Variants in WWC1 observed in about 807,000 individuals in gnomAD.
WWC1 encodes protein KIBRA.
In WWC1, 55 loss-of-function variants were observed where a neutral mutation model predicts 138.4. That is an observed-to-expected ratio of 0.40 (90% CI 0.32 to 0.50). The LOEUF is 0.50. Among genes scored for constraint, WWC1 ranks in the 20% least tolerant of loss-of-function variants. The pLI is 0.72. For synonymous variants in WWC1, 524 were observed against 564.9 expected (o/e 0.93, Z 1.03); for missense variants, 1,226 against 1,420.4 (o/e 0.86, Z 2.20).
chr5:168,307,486 G>GT (rs143835543), intron 1 of WWC1, among the ~76,000 whole-genome samples: 2 of 152,074 alleles, frequency 1.3e-5, no homozygotes, highest in Non-Finnish European at 2.9e-5. Flanking sequence ...CATGAACAAG[G>GT]TGAGTGAGCT....
Position 168,294,034 on chromosome 5 carries a change from C to G in WWC1, c.119+1763C>G, listed in dbSNP as rs920042103. ...ATATGTGACCTGCCCCAATTTAGGT[C>G]CCTGTAGTTTACGGAGGCCTGTGTG... On this transcript the variant is annotated intron_variant, in intron 1 of 22. Coordinates refer to ENST00000265293, the MANE Select transcript of WWC1 (RefSeq NM_015238.3). Among the ~76,000 whole-genome samples, 8 of 152,238 alleles carry G rather than the reference C, an allele frequency of 5.3e-5. No homozygotes were observed. In the Middle Eastern group the frequency reaches 0.01, roughly 194 times the overall value.
At chr5:168,414,294 T>C in intron 8 of WWC1, 54 bp from the exon 9 acceptor site, 5 of 1,592,356 alleles carry the variant, frequency 3.1e-6, no homozygotes, top group Non-Finnish European at 4.3e-6. Flanking sequence ...TGGCATCTCC[T>C]GTTCCCTCAG....
In WWC1 at chr5:168,455,531, G is replaced by A. The variant is rs187225533; in HGVS notation, c.2823+11G>A. 55 of 1,611,132 alleles carry A rather than the reference G, an allele frequency of 3.4e-5. No individual in the cohort carries two copies. The highest frequency in any genetic ancestry group is 4.5e-5 in the Non-Finnish European group (53 of 1,178,704). ...CAGTACGTGTGCCGGGTAAGTGAGC[G>A]TGCGGCCCTCTTCTGCTCCCCTCAG... On this transcript the variant is annotated intron_variant, in intron 19 of 22. Coordinates refer to ENST00000265293, the MANE Select transcript of WWC1 (RefSeq NM_015238.3).
Position 168,423,708 on chromosome 5 carries a change from C to G in WWC1, c.1450C>G (p.Leu484Val). The change falls in exon 11 of 23, where the codon CTG becomes GTG. Residue 484 changes from leucine (L) to valine (V), a missense_variant. Physicochemically the swap from Leu to Val is conservative, Grantham distance 32. Around this residue, in one of 3 missense-constraint regions of WWC1, gnomAD observed 1,016 missense variants for 1,153.9 expected, o/e 0.88. Transcript: ENST00000265293. ...AGAGCTGCAGAGCAAGGTGGAGTTC[C>G]TGCTCCTGGAGGGGGCCACCGGCTT... is the stretch of plus-strand genomic sequence containing the variant. ...DSELQSKVEF[L>V]LLEGATGFRP... The G allele has an allele frequency of 6.2e-7, 1 of 1,614,176 alleles. No homozygotes were observed. Among genetic ancestry groups the G allele is most frequent in the South Asian group, 1.1e-5 (1 of 91,080 alleles).
intron 1 of WWC1, among the ~76,000 whole-genome samples, chr5:168,337,051 TC>T (rs1281793502): frequency 6.6e-6 from 1 of 152,156 alleles, no homozygotes; most frequent in South Asian, 2.1e-4. Flanking sequence ...TAAACAACCT[TC>T]ACCTAGGTAT....
intron 19 of WWC1, among the ~76,000 whole-genome samples, chr5:168,456,063 G>A (rs1299009818): frequency 6.6e-6 from 1 of 152,188 alleles, no homozygotes; most frequent in African/African-American, 2.4e-5. Context: ...ACTTCGGGAG[G>A]CTGAGGCAGG....
At chr5:168,330,748 G>A (rs1772968611) in intron 1 of WWC1, among the ~76,000 whole-genome samples, 1 of 152,162 alleles carries the variant, frequency 6.6e-6, no homozygotes, top group Admixed American at 6.5e-5. Context: ...TGGGACTGTT[G>A]GCAGGCAGCA....
chr5:168,422,842 A>C (rs899282864), intron 10 of WWC1, among the ~76,000 whole-genome samples: 2 of 152,166 alleles, frequency 1.3e-5, no homozygotes, highest in Admixed American at 6.5e-5. Flanking sequence ...TAGATGTTTT[A>C]AAGTATTAAA....
chr5:168,355,648 T>C (rs1472135748), intron 1 of WWC1, among the ~76,000 whole-genome samples: 1 of 152,064 alleles, frequency 6.6e-6, no homozygotes, highest in African/African-American at 2.4e-5. Context: ...TACTGCATTC[T>C]GAGTATTGAG....
chr5:168,339,859 T>TTC (rs1247837596), intron 1 of WWC1, among the ~76,000 whole-genome samples: 16 of 138,960 alleles, frequency 1.2e-4, no homozygotes, highest in African/African-American at 2.5e-4. Flanking sequence ...CTTTCTCTCT[T>TTC]TCTCTCTCTC....
chr5:168,311,936 C>T (rs1489748286), intron 1 of WWC1, among the ~76,000 whole-genome samples: 1 of 151,848 alleles, frequency 6.6e-6, no homozygotes, highest in African/African-American at 2.4e-5. Context: ...GTAATCCCAG[C>T]TACTCAGAAG....
At chr5:168,442,195 C>G (rs1363265263) in intron 16 of WWC1, among the ~76,000 whole-genome samples, 1 of 152,122 alleles carries the variant, frequency 6.6e-6, no homozygotes, top group Non-Finnish European at 1.5e-5. Context: ...AAGGTCCATA[C>G]TGGAGGCTTT....
chr5:168,372,803 T>G (rs1776858998), intron 2 of WWC1, among the ~76,000 whole-genome samples: 1 of 152,236 alleles, frequency 6.6e-6, no homozygotes, highest in Admixed American at 6.5e-5. Context: ...TTATAATCAT[T>G]TGCCTGTTGT....
chr5:168,338,073 G>A (rs1383367529), intron 1 of WWC1, among the ~76,000 whole-genome samples: 1 of 152,106 alleles, frequency 6.6e-6, no homozygotes, highest in Non-Finnish European at 1.5e-5. Flanking sequence ...CACTTTGGGA[G>A]GCCAAGGTGG....
intron 1 of WWC1, among the ~76,000 whole-genome samples, chr5:168,369,521 G>A (rs1271963963): frequency 6.6e-6 from 1 of 152,132 alleles, no homozygotes; most frequent in Non-Finnish European, 1.5e-5. Flanking sequence ...TTCCACCTCA[G>A]CCTCCCAAGT....
Position 168,401,306 on chromosome 5 carries a change from C to T in WWC1, c.590+1739C>T, listed in dbSNP as rs1004552697. ...TCTTAGAAGCTCTAGGCAAGACACT[C>T]GGCAGATTTCTCCCTTCTAAGGGGG... is the stretch of plus-strand genomic sequence containing the variant. On this transcript the variant is annotated intron_variant, in intron 5 of 22. Transcript: ENST00000265293. 7.2e-5 allele frequency among the ~76,000 whole-genome samples: 11 copies of T among 152,282 alleles called. No homozygotes were observed. The East Asian group carries it at 1.2e-3, about 16-fold the overall frequency.
At chr5:168,384,749 A>T (rs1035618011) in intron 2 of WWC1, among the ~76,000 whole-genome samples, 2 of 121,250 alleles carry the variant, frequency 1.6e-5, no homozygotes, top group East Asian at 4.6e-4. Context: ...ACAGAGTCTC[A>T]TTATGTCATC....
intron 17 of WWC1, among the ~76,000 whole-genome samples, chr5:168,447,160 T>G (rs951987733): frequency 6.6e-6 from 1 of 152,332 alleles, no homozygotes; most frequent in South Asian, 2.1e-4. Flanking sequence ...ATGGGGTATT[T>G]TGCAAAATTC....
intron 10 of WWC1, among the ~76,000 whole-genome samples, chr5:168,423,150 A>T (rs78021753): frequency 1.0e-4 from 6 of 59,190 alleles, no homozygotes; most frequent in Non-Finnish European, 1.8e-4. Flanking sequence ...ATCCCCCCCC[A>T]AAAAAAAAAA....
Sources: gnomAD v4.1 joint callset for allele counts (sites outside exome capture counted in the v4.1 genomes callset) on GRCh38, gnomAD v4.1.1 for gene constraint, gnomAD v4.1.1 regional missense constraint, MANE v1.5 for transcripts, NCBI Gene and HGNC (gene_info 2026-07-23, HGNC 2026-07-21) for gene names.